The following PRDM15 variants were observed in gnomAD, a reference collection of about 807,000 sequenced individuals.
PRDM15 encodes the protein PR/SET domain 15.
In PRDM15, 64 loss-of-function variants were observed where a neutral mutation model predicts 128.6. The ratio of observed to expected loss-of-function variants is 0.50; its 90% CI spans 0.41 to 0.61. The LOEUF (loss-of-function observed/expected upper bound fraction) is 0.61. Ranked by LOEUF, PRDM15 falls within the 20% of genes least tolerant of loss-of-function variation. The probability of loss-of-function intolerance (pLI) is 0.00; values close to 1 mark genes in which losing one functional copy is unlikely to be tolerated. For missense variants in PRDM15, 1,242 were observed against 1,569.1 expected (o/e 0.79, Z 3.52); for synonymous variants, 615 against 621.8 (o/e 0.99, Z 0.16).
Position 41,859,178 on chromosome 21 carries a change from C to T in PRDM15, c.131+414G>A, listed in dbSNP as rs779785673. ...AGCCCTGTCCCTGTCCTCATAACCCCGCATCCCCTGCCCCGCCTGGGTGTG... is the reference window on the plus strand; with the variant it reads ...AGCCCTGTCCCTGTCCTCATAACCCTGCATCCCCTGCCCCGCCTGGGTGTG... On this transcript the variant is annotated intron_variant, in intron 3 of 23. Coordinates refer to ENST00000398548, the MANE Select transcript of PRDM15 (RefSeq NM_001040424.3). This position sits in a 1 kb window ranked among gnomAD's most constrained non-coding sequence, Gnocchi z 5.3. 22 of 1,613,894 alleles carry T rather than the reference C, an allele frequency of 1.4e-5. No individual in the cohort carries two copies. The highest frequency in any genetic ancestry group is 1.6e-4 in the Middle Eastern group (1 of 6,082).
rs745858737 is a variant in PRDM15 at position 41,854,639 on chromosome 21, G to T, written c.465C>A (p.Arg155=). 2 of 1,613,650 alleles carry T rather than the reference G, an allele frequency of 1.2e-6. No homozygotes were observed. Among genetic ancestry groups the T allele is most frequent in the African/African-American group, 2.7e-5 (2 of 74,950 alleles). The change falls in exon 5 of 24, where the codon CGC becomes CGA. Residue 155 remains arginine (R), a synonymous_variant. Coordinates refer to ENST00000398548, the MANE Select transcript of PRDM15 (RefSeq NM_001040424.3). The surrounding 1 kb of genome is among the most constrained non-coding windows in gnomAD (Gnocchi z 4.6). ...SRDIPPGTEL[R]VWYAAFYAKK... is the part of the protein sequence containing the mutation. ...TGGCATAGAAGGCCGCATACCACAC[G>T]CGCAGCTCGGTACCCGGGGGGATGT...
chr21:41,805,147 C>T (rs115898664), intron 21 of PRDM15, among the ~76,000 whole-genome samples: 1,917 of 152,296 alleles, frequency 0.013, 37 homozygotes, highest in African/African-American at 0.043. Flanking sequence ...CCTCAGCACG[C>T]CCCATGTGTC....
At chr21:41,872,980 A>C (rs2064267419) in intron 1 of PRDM15, among the ~76,000 whole-genome samples, 1 of 152,158 alleles carries the variant, frequency 6.6e-6, no homozygotes, top group Admixed American at 6.5e-5. Flanking sequence ...GTAGGAGGGA[A>C]AGACACCCAT....
intron 5 of PRDM15, among the ~76,000 whole-genome samples, chr21:41,850,247 G>A (rs1296492644): frequency 1.4e-5 from 2 of 142,982 alleles, no homozygotes; most frequent in African/African-American, 2.5e-5. Context: ...TGGTGGGGAC[G>A]GGATGTCCCA....
At chr21:41,865,018 C>T (rs903973991) in intron 1 of PRDM15, among the ~76,000 whole-genome samples, 7 of 151,592 alleles carry the variant, frequency 4.6e-5, no homozygotes, top group African/African-American at 1.2e-4. Flanking sequence ...ACTCCTCAGT[C>T]CCCACTCCCC....
At chr21:41,856,309 T>C (rs2063633290) in intron 4 of PRDM15, among the ~76,000 whole-genome samples, 1 of 129,942 alleles carries the variant, frequency 7.7e-6, no homozygotes, top group African/African-American at 2.9e-5. Context: ...TCCTTCTTTC[T>C]TTTGTAAACA....
rs528081696 is a variant in PRDM15, at chr21:41,856,289, C to T, written c.285+887G>A. ...TTCCTTCCTTCCCTCCTTCCCCTCC[C>T]TCCCTTCCTTCCTTCTTTCTTTTGT... On this transcript the variant is annotated intron_variant, in intron 4 of 23. Coordinates refer to ENST00000398548, the MANE Select transcript of PRDM15 (RefSeq NM_001040424.3). Among the ~76,000 whole-genome samples the T allele has an allele frequency of 6.1e-3, 755 of 124,112 alleles. 12 individuals carry two copies. The highest frequency in any genetic ancestry group is 0.022 in the African/African-American group (708 of 32,776). The allele number at this position is 124,112 out of a possible 152,430, so 81.4% of individuals were successfully genotyped here.
In PRDM15 at chr21:41,820,622, C is replaced by T. The variant is rs79239709; in HGVS notation, c.2060+445G>A. ...GACCCCTGAGCTCCCGCCTCCAGGA[C>T]TGAAGATGGTAAGTGTCTGTTGTTT... On this transcript the variant is annotated intron_variant, in intron 16 of 23. Transcript: ENST00000398548. 1.4e-3 allele frequency among the ~76,000 whole-genome samples: 216 copies of T among 152,318 alleles called. 5 individuals carry two copies. The East Asian group carries it at 0.038, about 27-fold the overall frequency.
Position 41,871,516 on chromosome 21 carries a change from T to A in PRDM15, c.-10+7754A>T, listed in dbSNP as rs369187829. ...CACCAGGAGGTAGGGCAGGATTGCG[T>A]CGCAGGCCTGCACTCGCAGGGCTCA... On this transcript the variant is annotated intron_variant, in intron 1 of 23. Transcript: ENST00000398548. The A allele has an allele frequency of 2.4e-5, 38 of 1,607,804 alleles. No individual in the cohort carries two copies. The African/African-American group carries it at 4.5e-4, about 19-fold the overall frequency.
At chr21:41,816,171 T>TA (rs1004548277) in intron 18 of PRDM15, among the ~76,000 whole-genome samples, 7 of 152,232 alleles carry the variant, frequency 4.6e-5, no homozygotes, top group African/African-American at 1.7e-4. Flanking sequence ...GATAGATTAA[T>TA]ACAAGCATGA....
chr21:41,801,060 T>C lies in PRDM15; in HGVS notation c.*180A>G. The C allele has an allele frequency of 4.6e-6, 4 of 867,360 alleles. No homozygotes were observed. The highest frequency in any genetic ancestry group is 6.9e-6 in the Non-Finnish European group (4 of 582,332). 53.7% of individuals were successfully genotyped at this position (867,360 alleles called of 1,614,324 possible). A position where few individuals can be genotyped will look rare whatever the true frequency, so the allele number is the denominator to read the frequency against. On this transcript the variant is annotated 3_prime_UTR_variant, in exon 24 of 24. Coordinates refer to ENST00000398548, the MANE Select transcript of PRDM15 (RefSeq NM_001040424.3). ...ACTCTGGCCTGCCAGAGGTCCCTTC[T>C]AGAGTTAAGCTGACAGACCGTAATG...
Position 41,859,071 on chromosome 21 carries a change from G to C in PRDM15, c.131+521C>G. The C allele has an allele frequency of 6.3e-7, 1 of 1,581,056 alleles. No homozygotes were observed. The highest frequency in any genetic ancestry group is 1.2e-5 in the South Asian group (1 of 86,650). On this transcript the variant is annotated intron_variant, in intron 3 of 23. Transcript: ENST00000398548. This position sits in a 1 kb window ranked among gnomAD's most constrained non-coding sequence, Gnocchi z 5.3. ...AGGTGGCACAGCCTCCCCCAGGTGA[G>C]GGTGGAACGGCAGGGCAGCTGCTGC...
intron 12 of PRDM15, 38 bp from the exon 13 acceptor site, chr21:41,826,092 A>G (rs2062460730): frequency 6.6e-7 from 1 of 1,513,060 alleles, no homozygotes; most frequent in Non-Finnish European, 9.2e-7. Flanking sequence ...CAGTGAATAC[A>G]CATAGAACAC....
intron 11 of PRDM15, among the ~76,000 whole-genome samples, chr21:41,833,697 C>T (rs764224903): frequency 6.6e-6 from 1 of 152,170 alleles, no homozygotes; most frequent in Admixed American, 6.5e-5. Context: ...AGGTCCCTGG[C>T]GCTCTGCGGG....
chr21:41,801,251 A>G lies in PRDM15; in HGVS notation c.3415T>C (p.Tyr1139His), dbSNP rs1297818523. 12 of 1,529,566 alleles carry G rather than the reference A, an allele frequency of 7.8e-6. No individual in the cohort carries two copies. Among genetic ancestry groups the G allele is most frequent in the African/African-American group, 1.4e-5 (1 of 72,374 alleles). The allele number at this position is 1,529,566 out of a possible 1,614,324, so 94.7% of individuals were successfully genotyped here. A position where few individuals can be genotyped will look rare whatever the true frequency, so the allele number is the denominator to read the frequency against. Residue 1139 changes from tyrosine (Y) to histidine (H), a missense_variant, in exon 24 of 24, where the codon TAC becomes CAC. Physicochemically the swap from Tyr to His is moderately conservative, Grantham distance 83. Around this residue, in one of 3 missense-constraint regions of PRDM15, gnomAD observed 602 missense variants for 788.3 expected, o/e 0.76. Transcript: ENST00000398548. ...TCCCGGAACGCAGCTCAGTAGCTGT[A>G]CATCTGCTGCTGCTGCTGCTCCGCC... ...VQAEQQQQQM[Y>H]SY
At chr21:41,804,643 G>T in intron 21 of PRDM15, 29 bp from the exon 22 acceptor site, 1 of 1,516,556 alleles carries the variant, frequency 6.6e-7, no homozygotes, top group East Asian at 2.5e-5. Context: ...ATGAGCTGGG[G>T]GTCAGGGTGC....
intron 8 of PRDM15, among the ~76,000 whole-genome samples, chr21:41,837,559 G>C (rs544512393): frequency 4.5e-4 from 68 of 152,246 alleles, no homozygotes; most frequent in Middle Eastern, 3.4e-3. Context: ...CGGGTGCTTA[G>C]TGCGGACAGC....
Position 41,825,979 on chromosome 21 carries a change from C to T in PRDM15, c.1610G>A (p.Gly537Glu), listed in dbSNP as rs758619228. ...CATTACCTTGCCACACACCGGGCAC[C>T]CGGAAGGCTCCTTCTTGTAACGGAC... ...NLVRYKKEPS[G>E]CPVCGKVFSC... Residue 537 changes from glycine (G) to glutamate (E), a missense_variant, in exon 13 of 24, where the codon GGG becomes GAG. Gly to Glu is a moderately conservative substitution (Grantham distance 98). This residue lies in a region of PRDM15 where 28 missense variants were observed against 63.8 expected (regional missense o/e 0.44). Coordinates refer to ENST00000398548, the MANE Select transcript of PRDM15 (RefSeq NM_001040424.3). 62 of 1,613,926 alleles carry T rather than the reference C, an allele frequency of 3.8e-5. No homozygotes were observed. Among genetic ancestry groups the T allele is most frequent in the Non-Finnish European group, 5.3e-5 (62 of 1,179,946 alleles).
At chr21:41,868,155 CA>C (rs139130340) in intron 1 of PRDM15, among the ~76,000 whole-genome samples, 8,792 of 152,088 alleles carry the variant, frequency 0.058, 339 homozygotes, top group Middle Eastern at 0.13. Flanking sequence ...TTGCCTCTAT[CA>C]AAAGCTCATT....
Sources: allele counts gnomAD v4.1 joint callset (sites outside exome capture counted in the v4.1 genomes callset), GRCh38; gene constraint gnomAD v4.1.1; regional missense constraint gnomAD v4.1.1; non-coding constraint Gnocchi (gnomAD v3.1); transcripts MANE v1.5; gene names NCBI Gene and HGNC (gene_info 2026-07-23, HGNC 2026-07-21).